Variants in EXOC4 observed in about 807,000 individuals in gnomAD.
The protein encoded by EXOC4 is exocyst complex component 4.
EXOC4 carries 71 observed loss-of-function variants against 107.2 expected under a neutral mutation model. The observed-to-expected ratio is 0.66, with a 90% CI of 0.55 to 0.81. EXOC4 has a LOEUF of 0.81. Ranked by LOEUF, EXOC4 falls within the 30% of genes least tolerant of loss-of-function variation. EXOC4 has a pLI of 0.00. For synonymous variants in EXOC4, 456 were observed against 441.2 expected (o/e 1.03, Z -0.42); for missense variants, 1,108 against 1,189.6 (o/e 0.93, Z 1.01).
intron 9 of EXOC4, among the ~76,000 whole-genome samples, chr7:133,520,014 G>A (rs1256538895): frequency 2.0e-5 from 3 of 151,928 alleles, no homozygotes; most frequent in Middle Eastern, 3.4e-3. Flanking sequence ...AAATTAGAAG[G>A]TAAAAGTAAA....
chr7:133,776,064 G>A (rs1796339298), intron 10 of EXOC4, among the ~76,000 whole-genome samples: 1 of 152,150 alleles, frequency 6.6e-6, no homozygotes, highest in Non-Finnish European at 1.5e-5. Flanking sequence ...AGCAAAATAA[G>A]TTGGATATCT....
At chr7:133,968,946 GTTCCATTCTCC>G (rs1351038315) in intron 14 of EXOC4, among the ~76,000 whole-genome samples, 2 of 152,262 alleles carry the variant, frequency 1.3e-5, no homozygotes, top group Admixed American at 1.3e-4. Context: ...TTCCAACTTG[GTTCCATTCTCC>G]TTGTCACTTT....
intron 11 of EXOC4, among the ~76,000 whole-genome samples, chr7:133,831,357 A>C (rs1225384186): frequency 6.6e-6 from 1 of 152,186 alleles, no homozygotes; most frequent in African/African-American, 2.4e-5. Context: ...TAAATGATTT[A>C]GAATGCTTCT....
intron 11 of EXOC4, among the ~76,000 whole-genome samples, chr7:133,833,438 T>C (rs1339341496): frequency 6.6e-6 from 1 of 152,226 alleles, no homozygotes; most frequent in Non-Finnish European, 1.5e-5. Flanking sequence ...TACCAAATAG[T>C]AAATGAAATC....
At chr7:133,759,039 G>C (rs1471643800) in intron 10 of EXOC4, among the ~76,000 whole-genome samples, 6 of 152,082 alleles carry the variant, frequency 3.9e-5, no homozygotes, top group Admixed American at 3.3e-4. Context: ...TTTTAAATGT[G>C]ATGAATTTTT....
intron 14 of EXOC4, 68 bp from the exon 15 acceptor site, chr7:133,997,424 A>G: frequency 6.4e-7 from 1 of 1,574,748 alleles, no homozygotes; most frequent in South Asian, 1.1e-5. Flanking sequence ...ACAGCAAAAT[A>G]ATATGTCATT....
chr7:133,617,894 G>T (rs1230875143), intron 9 of EXOC4, among the ~76,000 whole-genome samples: 1 of 152,176 alleles, frequency 6.6e-6, no homozygotes, highest in Non-Finnish European at 1.5e-5. Flanking sequence ...TAGCAGAACT[G>T]TTGCTAATGT....
At chr7:133,340,933 A>G (rs1292948598) in intron 5 of EXOC4, among the ~76,000 whole-genome samples, 1 of 151,902 alleles carries the variant, frequency 6.6e-6, no homozygotes, top group Non-Finnish European at 1.5e-5. Context: ...AATCTTGCTA[A>G]TGGTCTATAA....
chr7:133,577,864 TAAAATC>T (rs1801167040), intron 9 of EXOC4, among the ~76,000 whole-genome samples: 1 of 152,160 alleles, frequency 6.6e-6, no homozygotes, highest in Non-Finnish European at 1.5e-5. Flanking sequence ...AAAAAAAAGT[TAAAATC>T]AGAAAAGAAA....
intron 10 of EXOC4, among the ~76,000 whole-genome samples, chr7:133,793,775 C>G (rs1001056201): frequency 4.6e-5 from 7 of 152,072 alleles, no homozygotes; most frequent in African/African-American, 7.2e-5. Flanking sequence ...TACCAGGAAG[C>G]AGAGGCTGCA....
chr7:133,507,609 C>T (rs192676813), intron 9 of EXOC4, among the ~76,000 whole-genome samples: 7 of 152,164 alleles, frequency 4.6e-5, no homozygotes, highest in African/African-American at 7.2e-5. Flanking sequence ...AGTATGTGGC[C>T]CAACATATAT....
At chr7:133,572,093 T>C (rs1284396355) in intron 9 of EXOC4, among the ~76,000 whole-genome samples, 1 of 152,206 alleles carries the variant, frequency 6.6e-6, no homozygotes, top group Non-Finnish European at 1.5e-5. Context: ...CAGTGGTGTA[T>C]ACAAAATATA....
intron 10 of EXOC4, among the ~76,000 whole-genome samples, chr7:133,771,763 T>C (rs1347591592): frequency 6.6e-6 from 1 of 151,984 alleles, no homozygotes; most frequent in Admixed American, 6.6e-5. Flanking sequence ...AGAAGTTGTT[T>C]TAAATCCATC....
At chr7:133,482,183 A>G (rs550561272) in intron 9 of EXOC4, among the ~76,000 whole-genome samples, 32 of 152,222 alleles carry the variant, frequency 2.1e-4, no homozygotes, top group Non-Finnish European at 2.9e-4. Flanking sequence ...TCTTTCTTAA[A>G]AATTAATAAA....
intron 3 of EXOC4, among the ~76,000 whole-genome samples, chr7:133,294,913 C>G (rs1794485300): frequency 6.6e-6 from 1 of 152,056 alleles, no homozygotes; most frequent in African/African-American, 2.4e-5. Context: ...CTCTTAGTAG[C>G]TGGATGACTT....
chr7:133,865,530 C>T lies in EXOC4; in HGVS notation c.1735-30069C>T, dbSNP rs116782046. On this transcript the variant is annotated intron_variant, in intron 11 of 17. Coordinates refer to ENST00000253861, the MANE Select transcript of EXOC4 (RefSeq NM_021807.4). ...CTTTTAAGATATCTCTACTAATGAT[C>T]AGTTGTGTTAGTCTGTTCTCACACT... Among the ~76,000 whole-genome samples the T allele has an allele frequency of 5.5e-3, 841 of 152,218 alleles. 8 individuals carry two copies. The highest frequency in any genetic ancestry group is 0.019 in the African/African-American group (804 of 41,504).
chr7:133,264,780 A>G (rs1001044866), intron 1 of EXOC4, among the ~76,000 whole-genome samples: 1 of 152,182 alleles, frequency 6.6e-6, no homozygotes, highest in African/African-American at 2.4e-5. Context: ...GCTTAGAATA[A>G]TAGGCTTGGA....
At chr7:133,607,911 C>T (rs1801985349) in intron 9 of EXOC4, among the ~76,000 whole-genome samples, 1 of 152,134 alleles carries the variant, frequency 6.6e-6, no homozygotes, top group South Asian at 2.1e-4. Flanking sequence ...TTCATCTTCA[C>T]CAAGTGAAGG....
At chr7:133,766,232 G>T (rs1796136552) in intron 10 of EXOC4, among the ~76,000 whole-genome samples, 1 of 151,990 alleles carries the variant, frequency 6.6e-6, no homozygotes, top group African/African-American at 2.4e-5. Flanking sequence ...AAGTGGGAAA[G>T]AATACATTGG....
Sources: gnomAD v4.1 joint callset for allele counts (sites outside exome capture counted in the v4.1 genomes callset) on GRCh38, gnomAD v4.1.1 for gene constraint, MANE v1.5 for transcripts, NCBI Gene and HGNC (gene_info 2026-07-23, HGNC 2026-07-21) for gene names.